SLC6A14: variants seen among roughly 807,000 people sequenced by gnomAD.
SLC6A14 encodes solute carrier family 6 member 14, also known as sodium- and chloride-dependent neutral and basic amino acid transporter B(0+).
SLC6A14 carries 21 observed loss-of-function variants against 51.4 expected under a neutral mutation model. The ratio of observed to expected loss-of-function variants is 0.41; its 90% CI spans 0.29 to 0.59. SLC6A14 has a LOEUF of 0.59. Ranked by LOEUF, SLC6A14 falls within the 20% of genes least tolerant of loss-of-function variation. SLC6A14 has a pLI of 0.31. For synonymous variants in SLC6A14, 177 were observed against 160.7 expected, an observed-to-expected ratio of 1.10 and a Z score of -0.77; for missense variants, 371 against 472.8, an observed-to-expected ratio of 0.78 and a Z score of 2.00.
chrX:116,454,498 C>T, intron 10 of SLC6A14, 56 bp downstream of exon 10: 1 of 728,438 alleles, frequency 1.4e-6, no homozygotes, highest in Non-Finnish European at 2.1e-6. Flanking sequence ...TACTTTATAA[C>T]CTAACTAAAG....
chrX:116,453,208 A>G (rs1927857154), intron 9 of SLC6A14, 66 bp downstream of exon 9: 8 of 1,034,101 alleles, frequency 7.7e-6, no homozygotes, highest in Non-Finnish European at 9.2e-6. Flanking sequence ...CTACTTGAAA[A>G]CAAGGTGCTT....
At chrX:116,453,552 T>C (rs1180596197) in intron 9 of SLC6A14, among the ~76,000 whole-genome samples, 39 of 111,471 alleles carry the variant, frequency 3.5e-4, no homozygotes, top group Non-Finnish European at 9.5e-5. Context: ...TTTCAGAGCA[T>C]GCATATGACT....
In SLC6A14 at chrX:116,443,641, A is replaced by C. The variant is rs1013341818; in HGVS notation, c.509-2A>C. 9 of 1,127,084 alleles carry C rather than the reference A, an allele frequency of 8.0e-6. No individual in the cohort carries two copies. Among genetic ancestry groups the C allele is most frequent in the Non-Finnish European group, 1.1e-5 (9 of 844,923 alleles). The allele number at this position is 1,127,084 out of a possible 1,213,427, so 92.9% of individuals were successfully genotyped here. A position where few individuals can be genotyped will look rare whatever the true frequency, so the allele number is the denominator to read the frequency against. On this transcript the variant is annotated splice_acceptor_variant, in intron 4 of 13. Transcript: ENST00000598581. LOFTEE classifies it high-confidence loss of function. ...TGTGTCTATATTTTTTATCCTCTTT[A>C]GTAACTCACTGTAATGTGAGTACAG...
intron 10 of SLC6A14, 89 bp downstream of exon 10, chrX:116,454,531 T>C: frequency 1.8e-6 from 1 of 559,072 alleles, no homozygotes; most frequent in Non-Finnish European, 2.9e-6. Flanking sequence ...AAGAGGATGC[T>C]TAGTGACAAG....
rs140363687 is a variant in SLC6A14, at chrX:116,446,077, A to G, written c.790-664A>G. Among the ~76,000 whole-genome samples, 106 of 98,068 alleles carry G rather than the reference A, an allele frequency of 1.1e-3. 1 individual carries two copies. The highest frequency in any genetic ancestry group is 3.4e-3 in the African/African-American group (99 of 29,179). 85.2% of individuals were successfully genotyped at this position (98,068 alleles called of 115,157 possible). On this transcript the variant is annotated intron_variant, in intron 6 of 13. Transcript: ENST00000598581. ...GGTCTCTGAATGACTTGTTTAAACC[A>G]TTTCCTTGGATGTATTATAAAACAT... is the stretch of plus-strand genomic sequence containing the variant.
intron 2 of SLC6A14, among the ~76,000 whole-genome samples, chrX:116,438,195 T>G: frequency 8.9e-6 from 1 of 111,807 alleles, no homozygotes; most frequent in Admixed American, 9.5e-5. Context: ...AAAGCTTTAT[T>G]TTTAGCACTT....
In SLC6A14 at chrX:116,455,482, C is replaced by A; in HGVS notation, c.1614+16C>A. On this transcript the variant is annotated intron_variant, in intron 12 of 13. Transcript: ENST00000598581. The stretch of plus-strand genomic sequence containing the variant: ...CCTTTTGATTGTAAGTAATAATACA[C>A]CATGAACTTGATTTCGATAATACAT... 9.9e-7 allele frequency: 1 copy of A among 1,014,235 alleles called. No individual in the cohort carries two copies. The highest frequency in any genetic ancestry group is 1.4e-6 in the Non-Finnish European group (1 of 719,135). The allele number at this position is 1,014,235 out of a possible 1,213,427, so 83.6% of individuals were successfully genotyped here. A position where few individuals can be genotyped will look rare whatever the true frequency, so the allele number is the denominator to read the frequency against.
At position 116,437,969 on chromosome X, in the gene SLC6A14, C is replaced by CGGGGGGGGGGGG; in HGVS notation, c.214+14_214+15insGGGGGGGGGGGG. ...GCAATGGTGGAGGTATTCTATTTCA[C>CGGGGGGGGGGGG]CCCCACCCTCCCACCCCCGCTTTTC... On this transcript the variant is annotated intron_variant, in intron 2 of 13. Transcript: ENST00000598581. 9 of 1,096,317 alleles carry CGGGGGGGGGGGG rather than the reference C, an allele frequency of 8.2e-6. No individual in the cohort carries two copies. The highest frequency in any genetic ancestry group is 8.5e-6 in the Non-Finnish European group (7 of 820,734). 90.3% of individuals were successfully genotyped at this position (1,096,317 alleles called of 1,213,427 possible). A position where few individuals can be genotyped will look rare whatever the true frequency, so the allele number is the denominator to read the frequency against.
At chrX:116,447,591 CTT>C (rs782273399) in intron 7 of SLC6A14, among the ~76,000 whole-genome samples, 48 of 91,827 alleles carry the variant, frequency 5.2e-4, no homozygotes, top group South Asian at 1.5e-3. Context: ...GCTTTCACTT[CTT>C]TTTTTTTTTT....
At chrX:116,456,551 T>C (rs371703978) in intron 12 of SLC6A14, among the ~76,000 whole-genome samples, 1 of 111,116 alleles carries the variant, frequency 9.0e-6, no homozygotes, top group African/African-American at 3.3e-5. Flanking sequence ...TATTCAATGA[T>C]TACATAAGTT....
intron 12 of SLC6A14, among the ~76,000 whole-genome samples, chrX:116,456,491 A>G (rs1307023939): frequency 1.8e-5 from 2 of 111,320 alleles, no homozygotes; most frequent in South Asian, 3.7e-4. Context: ...ATAATAAAGT[A>G]AGCCCCCTTG....
chrX:116,440,340 C>G (rs1927570173), intron 2 of SLC6A14, among the ~76,000 whole-genome samples: 2 of 112,330 alleles, frequency 1.8e-5, no homozygotes, highest in Admixed American at 9.5e-5. Context: ...TTTGTATTAA[C>G]ATTGAGTGAA....
chrX:116,445,106 T>A, intron 6 of SLC6A14, 56 bp downstream of exon 6: 1 of 1,072,478 alleles, frequency 9.3e-7, no homozygotes. Context: ...TTCATGGTAG[T>A]TCAATATCAA....
chrX:116,452,676 G>T (rs782351948), intron 8 of SLC6A14, among the ~76,000 whole-genome samples: 1 of 111,516 alleles, frequency 9.0e-6, no homozygotes, highest in Non-Finnish European at 1.9e-5. Flanking sequence ...ACTAATTTAC[G>T]TTTCTGGAAT....
chrX:116,440,944 G>T (rs1927582572), intron 2 of SLC6A14, 22 bp from the exon 3 acceptor site: 1 of 1,206,361 alleles, frequency 8.3e-7, no homozygotes, highest in Non-Finnish European at 1.1e-6. Flanking sequence ...ATAGTGCTTT[G>T]GTTCTTTCTC....
At chrX:116,436,936 C>A (rs1927493551) in intron 1 of SLC6A14, among the ~76,000 whole-genome samples, 179 bp downstream of exon 1, 1 of 111,881 alleles carries the variant, frequency 8.9e-6, no homozygotes, top group Non-Finnish European at 1.9e-5. Flanking sequence ...CTCTTACTCT[C>A]ATAGCTAGAA....
rs1467156956 is a variant in SLC6A14 at position 116,461,421 on chromosome X, T to C, written c.*2466T>C. 1 of 190,251 alleles carries C rather than the reference T, an allele frequency of 5.3e-6. No homozygotes were observed. Among genetic ancestry groups the C allele is most frequent in the Non-Finnish European group, 9.6e-6 (1 of 104,651 alleles). 15.7% of individuals were successfully genotyped at this position (190,251 alleles called of 1,213,427 possible). A position where few individuals can be genotyped will look rare whatever the true frequency, so the allele number is the denominator to read the frequency against. ...TATTGTAAACCATTAATGAAAACTT[T>C]TTCACAGTTGAGTGAAATTAAAATC... On this transcript the variant is annotated 3_prime_UTR_variant, in exon 14 of 14. Coordinates refer to ENST00000598581, the MANE Select transcript of SLC6A14 (RefSeq NM_007231.5).
At chrX:116,447,078 T>C (rs1284706369) in intron 7 of SLC6A14, among the ~76,000 whole-genome samples, 197 bp downstream of exon 7, 1 of 111,714 alleles carries the variant, frequency 9.0e-6, no homozygotes, top group African/African-American at 3.2e-5. Context: ...TTATTGATGG[T>C]GAGATAATTT....
chrX:116,440,054 T>C (rs1326786785), intron 2 of SLC6A14, among the ~76,000 whole-genome samples: 2 of 111,866 alleles, frequency 1.8e-5, no homozygotes, highest in Non-Finnish European at 3.8e-5. Flanking sequence ...TTTTATCCAC[T>C]GATCCCCACA....
Sources: allele counts gnomAD v4.1 joint callset (sites outside exome capture counted in the v4.1 genomes callset), GRCh38; gene constraint gnomAD v4.1.1; transcripts MANE v1.5; gene names NCBI Gene and HGNC (gene_info 2026-07-23, HGNC 2026-07-21).